The following NALF1 variants were observed in gnomAD, a reference collection of about 807,000 sequenced individuals.
NALF1 encodes NALCN channel auxiliary factor 1.
Under a neutral mutation model 48.4 loss-of-function variants are expected in NALF1, and 3 were observed. The ratio of observed to expected loss-of-function variants is 0.06; its 90% confidence interval spans 0.03 to 0.16. The LOEUF (loss-of-function observed/expected upper bound fraction) is 0.16. NALF1 is among the 10% of genes least tolerant of loss of function. The pLI, the probability that NALF1 is intolerant of heterozygous loss-of-function variation, is 1.00. For missense variants in NALF1, 526 were observed against 571.5 expected (o/e 0.92, Z 0.81); for synonymous variants, 262 against 245.7 (o/e 1.07, Z -0.62).
intron 1 of NALF1, among the ~76,000 whole-genome samples, chr13:107,580,302 A>T (rs1878269231): frequency 6.6e-6 from 1 of 152,180 alleles, no homozygotes; most frequent in Non-Finnish European, 1.5e-5. Context: ...TTTCTTTTCA[A>T]ACACCAAACT....
intron 1 of NALF1, among the ~76,000 whole-genome samples, chr13:107,601,433 C>G (rs901806375): frequency 6.6e-6 from 1 of 152,160 alleles, no homozygotes; most frequent in Non-Finnish European, 1.5e-5. Flanking sequence ...ACTTTCCTAT[C>G]AACACTACTT....
At chr13:107,389,678 C>T (rs189595065) in intron 1 of NALF1, among the ~76,000 whole-genome samples, 1 of 152,188 alleles carries the variant, frequency 6.6e-6, no homozygotes, top group East Asian at 1.9e-4. Context: ...GTATGTCCAC[C>T]CACACAAACA....
At chr13:107,662,359 T>C (rs1000855741) in intron 1 of NALF1, among the ~76,000 whole-genome samples, 2 of 152,158 alleles carry the variant, frequency 1.3e-5, no homozygotes, top group Non-Finnish European at 2.9e-5. Flanking sequence ...TAAGACAGAA[T>C]AGAGCAGCCA....
chr13:107,865,228 G>T (rs1408687104), intron 1 of NALF1, among the ~76,000 whole-genome samples: 1 of 152,180 alleles, frequency 6.6e-6, no homozygotes, highest in African/African-American at 2.4e-5. Flanking sequence ...CCAACTTAAT[G>T]ATGTCACTAT....
chr13:107,443,541 G>A (rs1166486122), intron 1 of NALF1, among the ~76,000 whole-genome samples: 2 of 152,114 alleles, frequency 1.3e-5, no homozygotes, highest in Non-Finnish European at 2.9e-5. Context: ...AAATGTTAAT[G>A]TTTATTTGTG....
intron 1 of NALF1, among the ~76,000 whole-genome samples, chr13:107,532,463 A>G (rs1876672207): frequency 6.6e-6 from 1 of 152,010 alleles, no homozygotes; most frequent in South Asian, 2.1e-4. Flanking sequence ...CGTTCATTCT[A>G]GTGGTGTGTG....
At chr13:107,831,285 C>T (rs1169809136) in intron 1 of NALF1, among the ~76,000 whole-genome samples, 5 of 152,024 alleles carry the variant, frequency 3.3e-5, no homozygotes, top group South Asian at 2.1e-4. Context: ...TAAACTTTAC[C>T]GTACATGTAT....
At chr13:107,842,884 T>C (rs1198013044) in intron 1 of NALF1, among the ~76,000 whole-genome samples, 4 of 152,114 alleles carry the variant, frequency 2.6e-5, no homozygotes, top group Non-Finnish European at 4.4e-5. Context: ...TATTTCTGTC[T>C]GGCTTCTTAT....
chr13:107,644,105 G>A (rs1401019670), intron 1 of NALF1, among the ~76,000 whole-genome samples: 1 of 151,896 alleles, frequency 6.6e-6, no homozygotes, highest in East Asian at 1.9e-4. Context: ...ATATATGGAT[G>A]AGGATAATTT....
At chr13:107,690,868 T>C (rs1881552649) in intron 1 of NALF1, among the ~76,000 whole-genome samples, 1 of 152,178 alleles carries the variant, frequency 6.6e-6, no homozygotes, top group Non-Finnish European at 1.5e-5. Flanking sequence ...ATGGCAATAA[T>C]AGAGTTCACC....
At chr13:107,766,886 A>C (rs1203220558) in intron 1 of NALF1, among the ~76,000 whole-genome samples, 3 of 152,206 alleles carry the variant, frequency 2.0e-5, no homozygotes, top group African/African-American at 7.2e-5. Context: ...AACCAATTTT[A>C]TTCATATTTT....
intron 1 of NALF1, among the ~76,000 whole-genome samples, chr13:107,759,556 C>T (rs747225567): frequency 2.2e-4 from 34 of 152,160 alleles, no homozygotes; most frequent in Admixed American, 8.5e-4. Context: ...CGGGTCCAGA[C>T]CCACATTCCA....
chr13:107,350,097 G>A (rs1382746770), intron 1 of NALF1, among the ~76,000 whole-genome samples: 3 of 152,154 alleles, frequency 2.0e-5, no homozygotes, highest in African/African-American at 7.2e-5. Context: ...GCAGAGCTCA[G>A]GCGGTAATGC....
At chr13:107,615,087 CTCTT>C (rs1879344089) in intron 1 of NALF1, among the ~76,000 whole-genome samples, 1 of 152,166 alleles carries the variant, frequency 6.6e-6, no homozygotes, top group Non-Finnish European at 1.5e-5. Context: ...CATCCTGCAT[CTCTT>C]TGTTTCTGAC....
chr13:107,210,533 G>C (rs1879739289), intron 2 of NALF1, 51 bp downstream of exon 2: 1 of 1,322,040 alleles, frequency 7.6e-7, no homozygotes, highest in Non-Finnish European at 1.1e-6. Flanking sequence ...CATCACACAA[G>C]AAAGCAAAAC....
intron 1 of NALF1, among the ~76,000 whole-genome samples, chr13:107,552,413 A>C (rs1377811757): frequency 6.6e-6 from 1 of 152,188 alleles, no homozygotes; most frequent in Non-Finnish European, 1.5e-5. Context: ...TGCATTAGCA[A>C]ATTAGATAAT....
At chr13:107,680,914 G>A (rs994997282) in intron 1 of NALF1, among the ~76,000 whole-genome samples, 10 of 149,590 alleles carry the variant, frequency 6.7e-5, no homozygotes, top group Non-Finnish European at 1.3e-4. Context: ...GGTGTGAGAG[G>A]GTGTATGAGA....
chr13:107,224,056 T>A (rs1880050446), intron 1 of NALF1, among the ~76,000 whole-genome samples: 1 of 152,160 alleles, frequency 6.6e-6, no homozygotes, highest in South Asian at 2.1e-4. Context: ...TGATTATTGA[T>A]TAATGAATAA....
intron 1 of NALF1, among the ~76,000 whole-genome samples, chr13:107,716,887 G>C (rs372207299): frequency 5.6e-4 from 85 of 152,186 alleles, no homozygotes; most frequent in African/African-American, 2.0e-3. Flanking sequence ...TTTTGATGGC[G>C]GGGTTTCCGT....
Sources: allele counts gnomAD v4.1 joint callset (sites outside exome capture counted in the v4.1 genomes callset), GRCh38; gene constraint gnomAD v4.1.1; transcripts MANE v1.5; gene names NCBI Gene and HGNC (gene_info 2026-07-23, HGNC 2026-07-21).